The following GRM5 variants were observed in gnomAD, a reference collection of about 807,000 sequenced individuals.
GRM5 encodes the protein glutamate metabotropic receptor 5, also known as metabotropic glutamate receptor 5.
GRM5 carries 19 observed loss-of-function variants against 83.1 expected under a neutral mutation model. The observed-to-expected ratio is 0.23, with a 90% CI of 0.16 to 0.34. The LOEUF (loss-of-function observed/expected upper bound fraction) is 0.34. Among genes scored for constraint, GRM5 ranks in the 10% least tolerant of loss-of-function variants. The pLI, the probability that GRM5 is intolerant of heterozygous loss-of-function variation, is 1.00. For missense variants in GRM5, 1,160 were observed against 1,588.3 expected (o/e 0.73, Z 4.58); for synonymous variants, 675 against 633.6 (o/e 1.07, Z -0.98).
At chr11:88,511,310 C>T (rs905669590) in intron 9 of GRM5, among the ~76,000 whole-genome samples, 2 of 152,312 alleles carry the variant, frequency 1.3e-5, no homozygotes, top group South Asian at 2.1e-4. Context: ...AATCCACCAG[C>T]CTTGAGGCTG....
chr11:88,908,884 G>T (rs1945448663), intron 2 of GRM5, among the ~76,000 whole-genome samples: 1 of 152,210 alleles, frequency 6.6e-6, no homozygotes, highest in Admixed American at 6.5e-5. Flanking sequence ...GCATATGGTG[G>T]TCCCTTCTCT....
intron 3 of GRM5, among the ~76,000 whole-genome samples, chr11:88,814,290 C>T (rs965772039): frequency 1.3e-5 from 2 of 152,146 alleles, no homozygotes; most frequent in Non-Finnish European, 2.9e-5. Context: ...GACACAAAGG[C>T]TTCTAACATC....
intron 1 of GRM5, among the ~76,000 whole-genome samples, chr11:89,052,177 A>G (rs1941775535): frequency 6.6e-6 from 1 of 152,216 alleles, no homozygotes; most frequent in Admixed American, 6.5e-5. Flanking sequence ...AAAGATGTCA[A>G]ACAGGAAAGT....
At chr11:88,684,887 A>C (rs566942437) in intron 3 of GRM5, among the ~76,000 whole-genome samples, 3 of 152,156 alleles carry the variant, frequency 2.0e-5, no homozygotes, top group Non-Finnish European at 4.4e-5. Context: ...AGCCACATGG[A>C]ACTGTAAGTC....
Position 88,567,463 on chromosome 11 carries a change from A to C in GRM5, c.2220T>G (p.Val740=), listed in dbSNP as rs61740423. ...ATCCATTGTATCCAAGTGGAGTGAC[A>C]ACTCCTAGGTTGGTGGTGTTACAGA... ...YLICNTTNLG[V]VTPLGYNGLL... The change falls in exon 8 of 10, where the codon GTT becomes GTG. Residue 740 remains valine, a synonymous_variant. Transcript: ENST00000305447. The surrounding 1 kb of genome is among the most constrained non-coding windows in gnomAD (Gnocchi z 7.3). 3,800 of 1,613,962 alleles carry C rather than the reference A, an allele frequency of 2.4e-3. 80 individuals carry two copies. The African/African-American group carries it at 0.045, about 19-fold the overall frequency.
intron 3 of GRM5, among the ~76,000 whole-genome samples, chr11:88,843,732 A>C (rs1228811085): frequency 1.3e-5 from 2 of 152,248 alleles, no homozygotes; most frequent in African/African-American, 4.8e-5. Flanking sequence ...CTGTTGCAAA[A>C]AACAGCCAAG....
intron 4 of GRM5, among the ~76,000 whole-genome samples, chr11:88,623,789 T>G (rs1938710153): frequency 6.6e-6 from 1 of 152,234 alleles, no homozygotes; most frequent in Non-Finnish European, 1.5e-5. Flanking sequence ...CAGAGTTTCC[T>G]GCTGCCTGGA....
chr11:88,648,600 A>G (rs1318701306), intron 4 of GRM5, among the ~76,000 whole-genome samples: 1 of 146,044 alleles, frequency 6.8e-6, no homozygotes, highest in Admixed American at 6.9e-5. Flanking sequence ...ACATGTATAC[A>G]TATGTAACTA....
intron 8 of GRM5, among the ~76,000 whole-genome samples, chr11:88,531,050 A>C (rs907092805): frequency 6.6e-6 from 1 of 152,236 alleles, no homozygotes; most frequent in East Asian, 1.9e-4. Context: ...AGTAGTTATA[A>C]ATGAAGCTAA....
chr11:88,556,691 T>C (rs542773774), intron 8 of GRM5, among the ~76,000 whole-genome samples: 2 of 152,150 alleles, frequency 1.3e-5, no homozygotes, highest in South Asian at 4.1e-4. Context: ...TGAATATTTT[T>C]GTCCTTATTT....
At chr11:88,560,435 G>GT in intron 8 of GRM5, among the ~76,000 whole-genome samples, 1 of 152,212 alleles carries the variant, frequency 6.6e-6, no homozygotes, top group African/African-American at 2.4e-5. Context: ...CCCAAAGATT[G>GT]TTTTTTATCT....
intron 3 of GRM5, among the ~76,000 whole-genome samples, chr11:88,703,884 A>C (rs1941093432): frequency 6.6e-6 from 1 of 152,100 alleles, no homozygotes; most frequent in African/African-American, 2.4e-5. Context: ...AATACCTGGA[A>C]TATACCTATC....
At chr11:88,582,222 C>T (rs76780742) in intron 7 of GRM5, among the ~76,000 whole-genome samples, 2,631 of 152,270 alleles carry the variant, frequency 0.017, 77 homozygotes, top group African/African-American at 0.06. Flanking sequence ...CCATTGTGTG[C>T]CCAATACTGG....
intron 9 of GRM5, among the ~76,000 whole-genome samples, chr11:88,521,170 C>T (rs1417443641): frequency 6.6e-6 from 1 of 152,100 alleles, no homozygotes; most frequent in Non-Finnish European, 1.5e-5. Context: ...GTAATCCCAG[C>T]TTTTTGGGAG....
At chr11:88,983,354 T>TA (rs1227128591) in intron 2 of GRM5, among the ~76,000 whole-genome samples, 1 of 152,230 alleles carries the variant, frequency 6.6e-6, no homozygotes, top group Non-Finnish European at 1.5e-5. Context: ...ATGTGCATAG[T>TA]AACTACAGTT....
intron 2 of GRM5, among the ~76,000 whole-genome samples, chr11:89,007,822 CTG>C (rs547897117): frequency 3.7e-4 from 56 of 152,288 alleles, no homozygotes; most frequent in African/African-American, 9.6e-4. Flanking sequence ...TGAATGAAGA[CTG>C]TGAATCCTCA....
rs189234323 is a variant in GRM5 at position 88,703,550 on chromosome 11, C to A, written c.912-50147G>T. ...ATATGGGTTGGGTCTGTGTCCTCAG[C>A]CAAATCTCACCTTGAATTGTAGTTC... On this transcript the variant is annotated intron_variant, in intron 3 of 9. Coordinates refer to ENST00000305447, the MANE Select transcript of GRM5 (RefSeq NM_001143831.3). Among the ~76,000 whole-genome samples the A allele has an allele frequency of 1.2e-4, 19 of 152,138 alleles. 1 individual carries two copies. Among genetic ancestry groups the A allele is most frequent in the Admixed American group, 1.2e-3 (19 of 15,246 alleles).
intron 5 of GRM5, among the ~76,000 whole-genome samples, chr11:88,601,056 A>G (rs1937974931): frequency 6.6e-6 from 1 of 152,176 alleles, no homozygotes; most frequent in South Asian, 2.1e-4. Flanking sequence ...ACATTGAACC[A>G]TTTCAAATGT....
intron 2 of GRM5, among the ~76,000 whole-genome samples, chr11:89,027,072 G>A (rs1441866286): frequency 6.6e-6 from 1 of 151,734 alleles, no homozygotes; most frequent in African/African-American, 2.4e-5. Flanking sequence ...CCCCCACAAA[G>A]CTGTACCACA....
Sources: allele counts gnomAD v4.1 joint callset (sites outside exome capture counted in the v4.1 genomes callset), GRCh38; gene constraint gnomAD v4.1.1; non-coding constraint Gnocchi (gnomAD v3.1); transcripts MANE v1.5; gene names NCBI Gene and HGNC (gene_info 2026-07-23, HGNC 2026-07-21).